The following MARCHF10 variants were observed in gnomAD, a reference collection of about 807,000 sequenced individuals.
MARCHF10 encodes the protein probable E3 ubiquitin-protein ligase MARCHF10.
In MARCHF10, 64 loss-of-function variants were observed where a neutral mutation model predicts 76.2. The ratio of observed to expected loss-of-function variants is 0.84; its 90% CI spans 0.69 to 1.03. The LOEUF is 1.03. Among genes scored for constraint, MARCHF10 ranks in the 50% least tolerant of loss-of-function variants. The pLI, the probability that MARCHF10 is intolerant of heterozygous loss-of-function variation, is 0.00. For missense variants in MARCHF10, 875 were observed against 958.0 expected, an observed-to-expected ratio of 0.91 and a Z score of 1.14; for synonymous variants, 340 against 357.5, an observed-to-expected ratio of 0.95 and a Z score of 0.55.
chr17:62,728,527 TGA>T (rs749204602), intron 6 of MARCHF10, among the ~76,000 whole-genome samples: 2 of 151,970 alleles, frequency 1.3e-5, no homozygotes, highest in Non-Finnish European at 2.9e-5. Flanking sequence ...CCAGCATGAA[TGA>T]GAGGGGACAA....
At chr17:62,718,085 C>A (rs1308188216) in intron 8 of MARCHF10, among the ~76,000 whole-genome samples, 3 of 152,148 alleles carry the variant, frequency 2.0e-5, no homozygotes, top group Non-Finnish European at 4.4e-5. Flanking sequence ...ATGCGTGGAG[C>A]CTCCTCTGCC....
chr17:62,738,099 C>CACACACACA lies in MARCHF10; in HGVS notation c.536-768_536-767insTGTGTGTGT, dbSNP rs891701478. ...ACACACACACACACACACACACACA[C>CACACACACA]AACTTAAGCCTCACAACCCTGTGAA... On this transcript the variant is annotated intron_variant, in intron 5 of 10. Coordinates refer to ENST00000311269, the MANE Select transcript of MARCHF10 (RefSeq NM_152598.4). This position sits in a 1 kb window ranked among gnomAD's most constrained non-coding sequence, Gnocchi z 4.0. 1.3e-5 allele frequency among the ~76,000 whole-genome samples: 2 copies of CACACACACA among 151,142 alleles called. No individual in the cohort carries two copies. The highest frequency in any genetic ancestry group is 4.9e-5 in the African/African-American group (2 of 41,104).
At chr17:62,794,563 C>T (rs1211239894) in intron 2 of MARCHF10, among the ~76,000 whole-genome samples, 2 of 152,164 alleles carry the variant, frequency 1.3e-5, no homozygotes, top group Non-Finnish European at 2.9e-5. Context: ...ACAATGAAGC[C>T]GCTTCTCTTC....
rs374728827 is a variant in MARCHF10 at position 62,769,412 on chromosome 17, ATTTG to A, written c.211-9410_211-9407del. 6.9e-3 allele frequency among the ~76,000 whole-genome samples: 1,047 copies of A among 152,070 alleles called. 9 individuals carry two copies. The highest frequency in any genetic ancestry group is 0.024 in the African/African-American group (984 of 41,492). ...AAAATTGATGATTTTCTAATCCTACATTTGTTTGTTTGTTTGTTTGTTTGAGACA... is the reference window on the plus strand; with the variant it reads ...AAAATTGATGATTTTCTAATCCTACATTTGTTTGTTTGTTTGTTTGAGACA... On this transcript the variant is annotated intron_variant, in intron 3 of 10. Coordinates refer to ENST00000311269, the MANE Select transcript of MARCHF10 (RefSeq NM_152598.4).
chr17:62,732,705 A>G (rs2091076668), intron 6 of MARCHF10, among the ~76,000 whole-genome samples: 2 of 152,202 alleles, frequency 1.3e-5, no homozygotes, highest in Non-Finnish European at 2.9e-5. Context: ...TCCAAAAAGA[A>G]GATGGGGCCG....
chr17:62,727,512 GA>G (rs1298400978), intron 6 of MARCHF10, among the ~76,000 whole-genome samples: 1 of 151,136 alleles, frequency 6.6e-6, no homozygotes, highest in Non-Finnish European at 1.5e-5. Flanking sequence ...CAAAAAAAAA[GA>G]AAAAAATATA....
intron 4 of MARCHF10, chr17:62,746,971 T>C: frequency 6.5e-7 from 1 of 1,535,972 alleles, no homozygotes; most frequent in South Asian, 1.2e-5. Flanking sequence ...AAGTCGGCTC[T>C]GACTCTGCTT....
intron 1 of MARCHF10, among the ~76,000 whole-genome samples, chr17:62,802,486 C>T (rs1328354822): frequency 6.6e-6 from 1 of 152,132 alleles, no homozygotes; most frequent in Non-Finnish European, 1.5e-5. Context: ...TCCCGAAGTG[C>T]TGGGATTATA....
At position 62,788,508 on chromosome 17, in the gene MARCHF10, C is replaced by G. The variant is rs202205654; in HGVS notation, c.182G>C (p.Arg61Pro). ...TTTGGAAGATGACCTGCTAGAAAACCGGGATCTCTCAAAACTTGTCTCTTG... is the reference window on the plus strand; with the variant it reads ...TTTGGAAGATGACCTGCTAGAAAACGGGGATCTCTCAAAACTTGTCTCTTG... ...WGQETSFERS[R>P]FSSRSSSKQS... Residue 61 changes from arginine (R) to proline (P), a missense_variant, in exon 3 of 11, where the codon CGG becomes CCG. Physicochemically the swap from Arg to Pro is moderately radical, Grantham distance 103 (BLOSUM62 -2). Transcript: ENST00000311269. 6.2e-7 allele frequency: 1 copy of G among 1,614,086 alleles called. No individual in the cohort carries two copies. The highest frequency in any genetic ancestry group is 1.3e-5 in the African/African-American group (1 of 75,034).
intron 8 of MARCHF10, among the ~76,000 whole-genome samples, chr17:62,719,623 G>GTTTGT (rs995650348): frequency 3.3e-5 from 5 of 151,322 alleles, no homozygotes; most frequent in Middle Eastern, 6.8e-3. Context: ...TGGGTTTTTT[G>GTTTGT]TTTGTTTTGT....
chr17:62,759,217 T>C (rs1284542972), intron 4 of MARCHF10, among the ~76,000 whole-genome samples: 4 of 152,232 alleles, frequency 2.6e-5, no homozygotes, highest in South Asian at 2.1e-4. Context: ...TAAAACTTGA[T>C]ACCTGGGGCC....
At chr17:62,806,443 C>T (rs908172035) in intron 1 of MARCHF10, 4 of 152,198 alleles carry the variant, frequency 2.6e-5, no homozygotes, top group Non-Finnish European at 5.9e-5. Flanking sequence ...TGAACTGCTT[C>T]TTAATTTAAA....
At chr17:62,739,439 C>T (rs1020069900) in intron 5 of MARCHF10, among the ~76,000 whole-genome samples, 11 of 148,852 alleles carry the variant, frequency 7.4e-5, no homozygotes, top group Non-Finnish European at 7.4e-5. Context: ...TGCAATGGTG[C>T]GATCTCGGCT....
intron 3 of MARCHF10, among the ~76,000 whole-genome samples, chr17:62,775,147 A>C (rs1249834549): frequency 1.2e-5 from 1 of 83,096 alleles, no homozygotes; most frequent in Non-Finnish European, 2.9e-5. Context: ...TTTTTTTCAG[A>C]TGAAGTCTCA....
intron 2 of MARCHF10, among the ~76,000 whole-genome samples, chr17:62,795,356 CAAAAAAAAAA>C (rs61564298): frequency 3.2e-4 from 17 of 52,946 alleles, no homozygotes; most frequent in Middle Eastern, 0.014. Flanking sequence ...ATCATTTGAT[CAAAAAAAAAA>C]AAAAAAAAAA....
At chr17:62,722,412 G>T in intron 8 of MARCHF10, 76 bp downstream of exon 8, 1 of 1,002,394 alleles carries the variant, frequency 1.0e-6, no homozygotes, top group Non-Finnish European at 1.5e-6. Context: ...TCTTAGATCA[G>T]GGAAGGGGAA....
At chr17:62,725,272 CT>C (rs1390694754) in intron 6 of MARCHF10, among the ~76,000 whole-genome samples, 168 bp from the exon 7 acceptor site, 4 of 151,604 alleles carry the variant, frequency 2.6e-5, no homozygotes, top group Non-Finnish European at 4.4e-5. Flanking sequence ...CAAATTCTCT[CT>C]TTTTTTTTGA....
chr17:62,718,778 T>C lies in MARCHF10; in HGVS notation c.2214+3710A>G, dbSNP rs2090344962. On this transcript the variant is annotated intron_variant, in intron 8 of 10. Transcript: ENST00000311269. ...GCCTGGTGGTTATGATGCAGTGATG[T>C]GAGACCTTCAGGCCTCAAAACACTA... is the stretch of plus-strand genomic sequence containing the variant. Among the ~76,000 whole-genome samples, 7 of 152,368 alleles carry C rather than the reference T, an allele frequency of 4.6e-5. No homozygotes were observed. In the South Asian group the frequency reaches 1.5e-3, roughly 32 times the overall value.
chr17:62,762,160 T>C (rs145097910), intron 3 of MARCHF10, among the ~76,000 whole-genome samples: 26 of 152,338 alleles, frequency 1.7e-4, no homozygotes, highest in African/African-American at 6.0e-4. Flanking sequence ...GGAGGAGACC[T>C]TTATTGGTTG....
Sources: gnomAD v4.1 joint callset for allele counts (sites outside exome capture counted in the v4.1 genomes callset) on GRCh38, gnomAD v4.1.1 for gene constraint, Gnocchi (gnomAD v3.1) non-coding constraint, MANE v1.5 for transcripts, NCBI Gene and HGNC (gene_info 2026-07-23, HGNC 2026-07-21) for gene names.